Variants in IPO8 observed in about 807,000 individuals in gnomAD.
IPO8 encodes the protein importin 8.
IPO8 carries 65 observed loss-of-function variants against 141.2 expected under a neutral mutation model. The observed-to-expected ratio is 0.46, with a 90% confidence interval of 0.38 to 0.57. IPO8 has a LOEUF of 0.57. IPO8 is among the 20% of genes least tolerant of loss of function. The probability of loss-of-function intolerance (pLI) is 0.00; values close to 1 mark genes in which losing one functional copy is unlikely to be tolerated. For synonymous variants in IPO8, 411 were observed against 420.3 expected, an observed-to-expected ratio of 0.98 and a Z score of 0.27; for missense variants, 980 against 1,246.8, an observed-to-expected ratio of 0.79 and a Z score of 3.22.
At chr12:30,658,179 C>T (rs563401747) in intron 16 of IPO8, among the ~76,000 whole-genome samples, 1 of 152,298 alleles carries the variant, frequency 6.6e-6, no homozygotes, top group African/African-American at 2.4e-5. Flanking sequence ...AAAAAACTGT[C>T]AATATGCTTA....
intron 18 of IPO8, 81 bp from the exon 19 acceptor site, chr12:30,652,370 A>G (rs547097015): frequency 1.9e-5 from 15 of 804,068 alleles, no homozygotes; most frequent in Non-Finnish European, 4.2e-6. Context: ...ATATTTCTGT[A>G]GCACCCACAC....
At chr12:30,644,042 T>G (rs1000736506) in intron 20 of IPO8, among the ~76,000 whole-genome samples, 1 of 152,116 alleles carries the variant, frequency 6.6e-6, no homozygotes, top group African/African-American at 2.4e-5. Flanking sequence ...ACCTAAAAAG[T>G]ACATAATAAC....
At position 30,695,628 on chromosome 12, in the gene IPO8, A is replaced by C; in HGVS notation, c.20T>G (p.Ile7Ser). ...GTCGATGGTGCCCTTCAGCGCCTGGATGATCCGGTTGAGGTCCATCTCCCC... is the reference window on the plus strand; with the variant it reads ...GTCGATGGTGCCCTTCAGCGCCTGGCTGATCCGGTTGAGGTCCATCTCCCC... The part of the protein sequence containing the change: MDLNRI[I>S]QALKGTIDPK... Residue 7 changes from isoleucine to serine, a missense_variant, in exon 1 of 25, where the codon ATC (isoleucine) becomes AGC (serine). Ile to Ser is a moderately radical substitution (Grantham distance 142). Coordinates refer to ENST00000256079, the MANE Select transcript of IPO8 (RefSeq NM_006390.4). This position sits in a 1 kb window ranked among gnomAD's most constrained non-coding sequence, Gnocchi z 4.2. The C allele has an allele frequency of 1.2e-6, 2 of 1,613,998 alleles. No homozygotes were observed. The highest frequency in any genetic ancestry group is 1.7e-6 in the Non-Finnish European group (2 of 1,179,920).
intron 5 of IPO8, 43 bp from the exon 6 acceptor site, chr12:30,676,630 CA>C: frequency 6.5e-6 from 9 of 1,392,888 alleles, no homozygotes; most frequent in Non-Finnish European, 8.2e-6. Flanking sequence ...TCCTCCCATC[CA>C]AAAAAATCAG....
In IPO8 at chr12:30,630,442, TTAAAA is replaced by T. The variant is rs1369690459; in HGVS notation, c.*413_*417del. The T allele has an allele frequency of 6.2e-6, 1 of 160,644 alleles. No homozygotes were observed. Among genetic ancestry groups the T allele is most frequent in the African/African-American group, 2.4e-5 (1 of 41,808 alleles). 10.0% of individuals were successfully genotyped at this position (160,644 alleles called of 1,614,324 possible). A position where few individuals can be genotyped will look rare whatever the true frequency, so the allele number is the denominator to read the frequency against. On this transcript the variant is annotated 3_prime_UTR_variant, in exon 25 of 25. Transcript: ENST00000256079. ...TGTATCTAGAAATATGTTTTATGCTTTAAAAAAAATTGCAATGCACTCCAAAAATT... is the reference window on the plus strand; with the variant it reads ...TGTATCTAGAAATATGTTTTATGCTTAAAATTGCAATGCACTCCAAAAATT...
chr12:30,635,040 A>G (rs1301447355), intron 22 of IPO8, among the ~76,000 whole-genome samples: 1 of 152,142 alleles, frequency 6.6e-6, no homozygotes, highest in Non-Finnish European at 1.5e-5. Context: ...CTTGGACATT[A>G]TGATAAGTGA....
intron 20 of IPO8, among the ~76,000 whole-genome samples, chr12:30,641,237 C>T (rs1030746675): frequency 2.0e-5 from 3 of 152,086 alleles, no homozygotes; most frequent in Non-Finnish European, 4.4e-5. Context: ...TGTTACTTAG[C>T]GTAGAAGGCA....
intron 23 of IPO8, among the ~76,000 whole-genome samples, chr12:30,632,709 T>C (rs1254276545): frequency 6.6e-6 from 1 of 152,204 alleles, no homozygotes; most frequent in Non-Finnish European, 1.5e-5. Context: ...CTCTAACACT[T>C]GGCTCCCACA....
chr12:30,671,143 T>C, intron 8 of IPO8, 47 bp from the exon 9 acceptor site: 1 of 1,339,942 alleles, frequency 7.5e-7, no homozygotes. Flanking sequence ...ATTATAAGGT[T>C]AAAAGGGGGA....
chr12:30,672,946 A>G (rs1421801436), intron 8 of IPO8, among the ~76,000 whole-genome samples: 2 of 152,024 alleles, frequency 1.3e-5, no homozygotes, highest in East Asian at 3.9e-4. Context: ...TGCTGACAAT[A>G]AAGAGCTATT....
intron 20 of IPO8, 82 bp from the exon 21 acceptor site, chr12:30,639,817 CAATA>C: frequency 1.1e-6 from 1 of 932,532 alleles, no homozygotes; most frequent in Non-Finnish European, 1.7e-6. Context: ...AGAGCATTCT[CAATA>C]AATAAGACAG....
intron 5 of IPO8, among the ~76,000 whole-genome samples, chr12:30,678,124 CAA>C (rs35828691): frequency 1.0e-3 from 77 of 76,622 alleles, no homozygotes; most frequent in Admixed American, 2.5e-3. Flanking sequence ...GACTCCATCT[CAA>C]AAAAAAAAAA....
chr12:30,665,672 C>T, intron 12 of IPO8, 57 bp downstream of exon 12: 3 of 1,090,640 alleles, frequency 2.8e-6, no homozygotes, highest in Non-Finnish European at 2.8e-6. Context: ...TTCATATTCT[C>T]TCATTTGCCT....
intron 13 of IPO8, among the ~76,000 whole-genome samples, chr12:30,663,905 T>C (rs75847835): frequency 0.029 from 4,473 of 152,266 alleles, 205 homozygotes; most frequent in African/African-American, 0.1. Context: ...AAATATGTCT[T>C]TGACAAAAAT....
intron 8 of IPO8, 121 bp downstream of exon 8, chr12:30,673,869 T>A: frequency 1.8e-6 from 1 of 559,330 alleles, no homozygotes; most frequent in Non-Finnish European, 3.2e-6. Context: ...CCCAGAACTG[T>A]CCTTCCATCC....
At chr12:30,674,866 G>C (rs1350078760) in intron 6 of IPO8, 113 bp from the exon 7 acceptor site, 1 of 746,956 alleles carries the variant, frequency 1.3e-6, no homozygotes, top group African/African-American at 1.7e-5. Context: ...TGTGAAGTTA[G>C]ATTGCTATAC....
chr12:30,685,330 G>A (rs898950923), intron 2 of IPO8, among the ~76,000 whole-genome samples: 2 of 151,420 alleles, frequency 1.3e-5, no homozygotes, highest in African/African-American at 4.9e-5. Context: ...AGTTAGACAA[G>A]ATTTCACCAT....
intron 3 of IPO8, among the ~76,000 whole-genome samples, chr12:30,684,066 C>G (rs1184538532): frequency 6.6e-6 from 1 of 152,062 alleles, no homozygotes; most frequent in Non-Finnish European, 1.5e-5. Flanking sequence ...TTTTTTAAAT[C>G]TTACCTCTTT....
intron 16 of IPO8, among the ~76,000 whole-genome samples, chr12:30,657,017 A>G (rs2052809847): frequency 6.6e-6 from 1 of 152,116 alleles, no homozygotes; most frequent in African/African-American, 2.4e-5. Flanking sequence ...AAAAGATTTC[A>G]GTGTGAAGAA....
Sources: gnomAD v4.1 joint callset for allele counts (sites outside exome capture counted in the v4.1 genomes callset) on GRCh38, gnomAD v4.1.1 for gene constraint, Gnocchi (gnomAD v3.1) non-coding constraint, MANE v1.5 for transcripts, NCBI Gene and HGNC (gene_info 2026-07-23, HGNC 2026-07-21) for gene names.